The following TEP1 variants were observed in gnomAD, a reference collection of about 807,000 sequenced individuals.
The protein encoded by TEP1 is telomerase protein component 1.
TEP1 carries 241 observed loss-of-function variants against 306.3 expected under a neutral mutation model. The ratio of observed to expected loss-of-function variants is 0.79; its 90% CI spans 0.71 to 0.88. TEP1 has a LOEUF of 0.88. Among genes scored for constraint, TEP1 ranks in the 40% least tolerant of loss-of-function variants. The pLI is 0.00. For synonymous variants in TEP1, 1,289 were observed against 1,305.5 expected, an observed-to-expected ratio of 0.99 and a Z score of 0.27; for missense variants, 3,051 against 3,276.1, an observed-to-expected ratio of 0.93 and a Z score of 1.68.
Position 20,378,980 on chromosome 14 carries a change from C to A in TEP1, c.5252+1G>T, listed in dbSNP as rs1464312957. ...CAAGACAAATGGGGAGGACCCCTTA[C>A]CGACAACCATGCTGCAGGTCCCAGA... On this transcript the variant is annotated splice_donor_variant, in intron 36 of 54. Coordinates refer to ENST00000262715, the MANE Select transcript of TEP1 (RefSeq NM_007110.5). LOFTEE classifies it high-confidence loss of function. 1 of 1,614,214 alleles carries A rather than the reference C, an allele frequency of 6.2e-7. No individual in the cohort carries two copies.
In TEP1 at chr14:20,404,599, T is replaced by A; in HGVS notation, c.1032+12A>T. The A allele has an allele frequency of 6.2e-7, 1 of 1,607,428 alleles. No homozygotes were observed. The highest frequency in any genetic ancestry group is 1.1e-5 in the South Asian group (1 of 90,238). On this transcript the variant is annotated intron_variant, in intron 5 of 54. Coordinates refer to ENST00000262715, the MANE Select transcript of TEP1 (RefSeq NM_007110.5). The stretch of plus-strand genomic sequence containing the variant: ...AAGTGAAGGCCCAAGCTCAGGGAAA[T>A]GAGCACCATACCTGGTAAAGCTCAG...
In TEP1 at chr14:20,383,894, C is replaced by T. The variant is rs1436783911; in HGVS notation, c.3559G>A (p.Ala1187Thr). Residue 1187 changes from alanine (A) to threonine (T), a missense_variant, in exon 25 of 55, where the codon GCT becomes ACT. Around this residue, in one of 3 missense-constraint regions of TEP1, gnomAD observed 1,507 missense variants for 1,550.5 expected, o/e 0.97. Transcript: ENST00000262715. The stretch of plus-strand genomic sequence containing the variant: ...GATGCCACCTTGGCCCCATCAGGAG[C>T]CTGCAGGGCTGACACAAGAGATGCC... The part of the protein sequence containing the change: ...FLASLVSALQ[A>T]PDGAKVASLV... 6.2e-7 allele frequency: 1 copy of T among 1,600,658 alleles called. No homozygotes were observed. Among genetic ancestry groups the T allele is most frequent in the Non-Finnish European group, 8.5e-7 (1 of 1,178,836 alleles).
Position 20,391,702 on chromosome 14 carries a change from A to G in TEP1, c.1994T>C (p.Leu665Pro). Residue 665 changes from leucine (L) to proline (P), a missense_variant, in exon 13 of 55, where the codon CTC becomes CCC. Physicochemically the swap from Leu to Pro is moderately conservative, Grantham distance 98 (BLOSUM62 -3). This residue lies in a region of TEP1 where 1,507 missense variants were observed against 1,550.5 expected (regional missense o/e 0.97). Transcript: ENST00000262715. Reference protein sequence around the residue: ...YRQALETAVNLSVKHSLPLLP... With the variant: ...YRQALETAVNPSVKHSLPLLP... ...CAGGGGCAGGCTGTGCTTCACAGAG[A>G]GGTTCACAGCTGTCTCTAGGGCCTG... The G allele has an allele frequency of 1.2e-6, 2 of 1,614,220 alleles. No individual in the cohort carries two copies. The highest frequency in any genetic ancestry group is 1.1e-5 in the South Asian group (1 of 91,080).
In TEP1 at chr14:20,372,834, C is replaced by G; in HGVS notation, c.6975G>C (p.Leu2325=). 2 of 1,614,178 alleles carry G rather than the reference C, an allele frequency of 1.2e-6. No homozygotes were observed. The highest frequency in any genetic ancestry group is 1.7e-6 in the Non-Finnish European group (2 of 1,180,042). Residue 2325 remains leucine, a synonymous_variant, in exon 49 of 55, where the codon CTG becomes CTC. Coordinates refer to ENST00000262715, the MANE Select transcript of TEP1 (RefSeq NM_007110.5). The part of the protein sequence containing the change: ...TAQAPGHIGA[L]IWSSAHTFFV... ...AAAAGGTGTGTGCCGAGGACCAGATCAGAGCACCAATGTGGCCTGGAGCCT... is the reference window on the plus strand; with the variant it reads ...AAAAGGTGTGTGCCGAGGACCAGATGAGAGCACCAATGTGGCCTGGAGCCT...
Position 20,376,273 on chromosome 14 carries a change from GA to G in TEP1, c.6089-10del, listed in dbSNP as rs1258543683. ...CTGCACTGTGAAATCCTCTGCATTGGAAAAAGAGAGAGGGAACAGCTTCCTG... is the reference window on the plus strand; with the variant it reads ...CTGCACTGTGAAATCCTCTGCATTGGAAAAGAGAGAGGGAACAGCTTCCTG... On this transcript the variant is annotated splice_polypyrimidine_tract_variant and intron_variant, in intron 41 of 54. Coordinates refer to ENST00000262715, the MANE Select transcript of TEP1 (RefSeq NM_007110.5). 2 of 1,605,386 alleles carry G rather than the reference GA, an allele frequency of 1.2e-6. No homozygotes were observed. Among genetic ancestry groups the G allele is most frequent in the African/African-American group, 2.7e-5 (2 of 74,374 alleles).
Position 20,369,711 on chromosome 14 carries a change from C to T in TEP1, c.7386G>A (p.Arg2462=). The T allele has an allele frequency of 1.2e-6, 2 of 1,614,150 alleles. No individual in the cohort carries two copies. The highest frequency in any genetic ancestry group is 1.7e-6 in the Non-Finnish European group (2 of 1,180,024). ...TGGCTTGAGTTATCGATATTAGGGT[C>T]CTACTAGGATTCTCTAAGTTTATAT... ...NFDINLENPS[R]TLISITQAKP... The change falls in exon 52 of 55, where the codon AGG becomes AGA. Residue 2462 remains arginine, a synonymous_variant. Coordinates refer to ENST00000262715, the MANE Select transcript of TEP1 (RefSeq NM_007110.5).
At position 20,382,371 on chromosome 14, in the gene TEP1, G is replaced by A; in HGVS notation, c.4141-15C>T. ...CTCTCAGACACCTAGGATGGCGGGA[G>A]GACAGCCTTGTTCAGTGCAGTGGGA... On this transcript the variant is annotated splice_polypyrimidine_tract_variant and intron_variant, in intron 28 of 54. Transcript: ENST00000262715. 1 of 1,598,440 alleles carries A rather than the reference G, an allele frequency of 6.3e-7. No homozygotes were observed. The highest frequency in any genetic ancestry group is 2.2e-5 in the East Asian group (1 of 44,824).
At chr14:20,392,072 A>G (rs561606771) in intron 12 of TEP1, among the ~76,000 whole-genome samples, 1 of 152,366 alleles carries the variant, frequency 6.6e-6, no homozygotes, top group Admixed American at 6.5e-5. Context: ...CAATGGCTAC[A>G]TAGTTTTAAA....
intron 1 of TEP1, among the ~76,000 whole-genome samples, chr14:20,413,091 G>A (rs944909492): frequency 6.6e-6 from 1 of 152,132 alleles, no homozygotes; most frequent in African/African-American, 2.4e-5. Flanking sequence ...TGGGCACACA[G>A]GGCAAGGAAG....
rs1353651417 is a variant in TEP1, at chr14:20,383,337, A to G, written c.3884T>C (p.Leu1295Pro). ...KKLPRCVHLVLSVSSDAGLGE... is the reference protein window; with the variant it reads ...KKLPRCVHLVPSVSSDAGLGE... ...TAGGCCTGCATCACTAGACACACTCAGCACCAGGTGTACACACTGTGATAT... is the reference window on the plus strand; with the variant it reads ...TAGGCCTGCATCACTAGACACACTCGGCACCAGGTGTACACACTGTGATAT... Residue 1295 changes from leucine (L) to proline (P), a missense_variant, in exon 27 of 55, where the codon CTG (leucine) becomes CCG (proline). Leu to Pro is a moderately conservative substitution (Grantham distance 98). Coordinates refer to ENST00000262715, the MANE Select transcript of TEP1 (RefSeq NM_007110.5). The G allele has an allele frequency of 1.2e-6, 2 of 1,607,686 alleles. No individual in the cohort carries two copies. Among genetic ancestry groups the G allele is most frequent in the Admixed American group, 1.7e-5 (1 of 59,030 alleles).
In TEP1 at chr14:20,379,404, CTGTGGT is replaced by C. The variant is rs1164176998; in HGVS notation, c.5128-305_5128-300del. Among the ~76,000 whole-genome samples the C allele has an allele frequency of 3.9e-5, 6 of 152,288 alleles. No individual in the cohort carries two copies. The East Asian group carries it at 1.2e-3, about 29-fold the overall frequency. On this transcript the variant is annotated intron_variant, in intron 35 of 54. Coordinates refer to ENST00000262715, the MANE Select transcript of TEP1 (RefSeq NM_007110.5). ...TGAGTGTAAAGAGGATAGAAAGAGGCTGTGGTTCTAGGACTCACCTCTCCAGCCTAA... is the reference window on the plus strand; with the variant it reads ...TGAGTGTAAAGAGGATAGAAAGAGGCTCTAGGACTCACCTCTCCAGCCTAA...
intron 49 of TEP1, among the ~76,000 whole-genome samples, chr14:20,372,364 GTGTGTGTGTGTGTGTA>G (rs1310250729): frequency 1.1e-5 from 1 of 94,950 alleles, no homozygotes; most frequent in Non-Finnish European, 2.3e-5. Context: ...CCAGGAATAT[GTGTGTGTGTGTGTGTA>G]TGTGTGTGTG....
At chr14:20,406,148 T>C (rs1879158079) in intron 3 of TEP1, 85 bp downstream of exon 3, 1 of 1,398,322 alleles carries the variant, frequency 7.2e-7, no homozygotes, top group Admixed American at 1.9e-5. Flanking sequence ...CCCTTCCAAC[T>C]GGGGAGGGGA....
chr14:20,398,597 G>GT (rs1010921190), intron 9 of TEP1, among the ~76,000 whole-genome samples: 1 of 151,924 alleles, frequency 6.6e-6, no homozygotes, highest in African/African-American at 2.4e-5. Context: ...ACATAACACT[G>GT]TATCATATGG....
At position 20,368,528 on chromosome 14, in the gene TEP1, C is replaced by A; in HGVS notation, c.7793G>T (p.Ser2598Ile). 6.2e-7 allele frequency: 1 copy of A among 1,614,148 alleles called. No individual in the cohort carries two copies. Among genetic ancestry groups the A allele is most frequent in the Non-Finnish European group, 8.5e-7 (1 of 1,180,034 alleles). The part of the protein sequence containing the change: ...LGLFRCEGSV[S>I]CLEPWLGANS... ...AGCGCCCAGCCAAGGTTCCAGGCAG[C>A]TCACTGACCCTTCGCATCGGAACAG... is the stretch of plus-strand genomic sequence containing the variant. Residue 2598 changes from serine to isoleucine, a missense_variant, in exon 55 of 55, where the codon AGC (serine) becomes ATC (isoleucine). Ser to Ile is a moderately radical substitution (Grantham distance 142). Around this residue, in one of 3 missense-constraint regions of TEP1, gnomAD observed 1,540 missense variants for 1,705.9 expected, o/e 0.90. Coordinates refer to ENST00000262715, the MANE Select transcript of TEP1 (RefSeq NM_007110.5).
In TEP1 at chr14:20,385,129, A is replaced by G; in HGVS notation, c.2983-20T>C. 1 of 1,613,238 alleles carries G rather than the reference A, an allele frequency of 6.2e-7. No individual in the cohort carries two copies. The highest frequency in any genetic ancestry group is 2.2e-5 in the East Asian group (1 of 44,868). On this transcript the variant is annotated intron_variant, in intron 20 of 54. Coordinates refer to ENST00000262715, the MANE Select transcript of TEP1 (RefSeq NM_007110.5). Reference sequence around the variant, plus strand: ...CTGGGCCTGCGGGGAGGACAGAGACAGTGAGTTTAGTCCTAGGCCACAATG... The same window carrying G: ...CTGGGCCTGCGGGGAGGACAGAGACGGTGAGTTTAGTCCTAGGCCACAATG...
At position 20,369,389 on chromosome 14, in the gene TEP1, C is replaced by A; in HGVS notation, c.7611G>T (p.Met2537Ile). Residue 2537 changes from methionine (M) to isoleucine (I), a missense_variant, in exon 53 of 55, where the codon ATG (methionine) becomes ATT (isoleucine). Physicochemically the swap from Met to Ile is conservative, Grantham distance 10. Transcript: ENST00000262715. ...TTAGATGTGGTGTTGGCTCACTATC[C>A]ATGCTGGCATCACTATCCATGCTGG... ...SDASMDSDAS[M>I]DSEPTPHLKT... The A allele has an allele frequency of 1.2e-6, 2 of 1,613,878 alleles. No homozygotes were observed. Among genetic ancestry groups the A allele is most frequent in the Non-Finnish European group, 1.7e-6 (2 of 1,179,904 alleles).
rs753925837 is a variant in TEP1 at position 20,404,659 on chromosome 14, G to A, written c.984C>T (p.Ala328=). 6.8e-6 allele frequency: 11 copies of A among 1,614,166 alleles called. No homozygotes were observed. In the Admixed American group the frequency reaches 1.5e-4, roughly 22 times the overall value. Residue 328 remains alanine (A), a synonymous_variant, in exon 5 of 55, where the codon GCC becomes GCT. Coordinates refer to ENST00000262715, the MANE Select transcript of TEP1 (RefSeq NM_007110.5). ...TCCAGTCAGAAGGCAGCTGGACAAT[G>A]GCACAGAAATATCGTCGCAGGTGGG... ...CRPHLRRYFC[A]IVQLPSDWIQ... is the part of the protein sequence containing the mutation.
At chr14:20,396,225 T>G (rs1287390481) in intron 10 of TEP1, among the ~76,000 whole-genome samples, 1 of 152,198 alleles carries the variant, frequency 6.6e-6, no homozygotes, top group African/African-American at 2.4e-5. Context: ...TCCCAGCACT[T>G]TGGGAGCCTT....
Sources: gnomAD v4.1 joint callset for allele counts (sites outside exome capture counted in the v4.1 genomes callset) on GRCh38, gnomAD v4.1.1 for gene constraint, gnomAD v4.1.1 regional missense constraint, MANE v1.5 for transcripts, NCBI Gene and HGNC (gene_info 2026-07-23, HGNC 2026-07-21) for gene names.